WDFY2: variants seen among roughly 807,000 people sequenced by gnomAD.
WDFY2 encodes WD repeat and FYVE domain-containing protein 2.
WDFY2 carries 36 observed loss-of-function variants against 56.4 expected under a neutral mutation model. That is an observed-to-expected ratio of 0.64 (90% CI 0.49 to 0.84). The LOEUF is 0.84. WDFY2 is among the 40% of genes least tolerant of loss of function. The pLI, the probability that WDFY2 is intolerant of heterozygous loss-of-function variation, is 0.00. For synonymous variants in WDFY2, 176 were observed against 183.7 expected (o/e 0.96, Z 0.34); for missense variants, 444 against 512.2 (o/e 0.87, Z 1.29).
chr13:51,667,282 G>A (rs1296223419), intron 2 of WDFY2, among the ~76,000 whole-genome samples: 1 of 152,136 alleles, frequency 6.6e-6, no homozygotes, highest in East Asian at 1.9e-4. Context: ...ATAATCTTAA[G>A]GTAACAGACA....
At chr13:51,712,844 GA>G (rs1018840456) in intron 4 of WDFY2, among the ~76,000 whole-genome samples, 1 of 151,772 alleles carries the variant, frequency 6.6e-6, no homozygotes, top group African/African-American at 2.4e-5. Context: ...GTAATATTAT[GA>G]ACAACTTTAT....
In WDFY2 at chr13:51,737,569, A is replaced by G. The variant is rs1952869173; in HGVS notation, c.599-1480A>G. ...ATGAATTTAAAAAAAAAAAAAAAAA[A>G]AAAAAAAAAAAAAGAATAATCAGGA... On this transcript the variant is annotated intron_variant, in intron 6 of 11. Transcript: ENST00000298125. Among the ~76,000 whole-genome samples the G allele has an allele frequency of 2.0e-5, 3 of 149,774 alleles. No individual in the cohort carries two copies. In the South Asian group the frequency reaches 6.3e-4, roughly 32 times the overall value.
rs532484887 is a variant in WDFY2, at chr13:51,752,431, T to C, written c.831+1016T>C. ...TGATGAGTGCTGGTCATGCTAACCATGTTCCCGCATGGCTGGTGATTATGT... is the reference window on the plus strand; with the variant it reads ...TGATGAGTGCTGGTCATGCTAACCACGTTCCCGCATGGCTGGTGATTATGT... On this transcript the variant is annotated intron_variant, in intron 8 of 11. Transcript: ENST00000298125. Among the ~76,000 whole-genome samples, 3 of 152,192 alleles carry C rather than the reference T, an allele frequency of 2.0e-5. No individual in the cohort carries two copies. In the South Asian group the frequency reaches 6.2e-4, roughly 32 times the overall value.
At chr13:51,601,998 T>C (rs1954293695) in intron 1 of WDFY2, among the ~76,000 whole-genome samples, 2 of 152,234 alleles carry the variant, frequency 1.3e-5, no homozygotes, top group African/African-American at 2.4e-5. Flanking sequence ...CTCCCTTCTT[T>C]ACTTGCTGTG....
intron 1 of WDFY2, among the ~76,000 whole-genome samples, chr13:51,642,601 T>C (rs1475632190): frequency 2.0e-5 from 3 of 152,042 alleles, no homozygotes; most frequent in Admixed American, 2.0e-4. Flanking sequence ...GCCAGAGGTT[T>C]TTATTTTAAT....
chr13:51,692,721 G>A (rs987056653), intron 3 of WDFY2, among the ~76,000 whole-genome samples: 3 of 152,194 alleles, frequency 2.0e-5, no homozygotes, highest in Non-Finnish European at 4.4e-5. Context: ...AATGAGTTAG[G>A]GAGGATTCCC....
intron 6 of WDFY2, among the ~76,000 whole-genome samples, chr13:51,729,444 C>T (rs1952675241): frequency 1.3e-5 from 2 of 151,922 alleles, no homozygotes; most frequent in Admixed American, 1.3e-4. Flanking sequence ...ATTTCTTGCC[C>T]ACTGTATATC....
chr13:51,634,322 C>T (rs1181794090), intron 1 of WDFY2, among the ~76,000 whole-genome samples: 1 of 151,810 alleles, frequency 6.6e-6, no homozygotes, highest in African/African-American at 2.4e-5. Flanking sequence ...CTGTGAGGGC[C>T]AGGAACCCAT....
intron 2 of WDFY2, among the ~76,000 whole-genome samples, chr13:51,674,871 T>C (rs1021301204): frequency 6.6e-6 from 1 of 152,178 alleles, no homozygotes; most frequent in African/African-American, 2.4e-5. Context: ...CACAAAGTAT[T>C]GTTAATCTAG....
intron 1 of WDFY2, among the ~76,000 whole-genome samples, chr13:51,631,866 C>G (rs190127573): frequency 2.6e-5 from 4 of 152,158 alleles, no homozygotes; most frequent in African/African-American, 9.7e-5. Flanking sequence ...TTGCTCACTG[C>G]TGTTTCTCTT....
intron 3 of WDFY2, among the ~76,000 whole-genome samples, chr13:51,693,002 C>G (rs1418005913): frequency 1.3e-5 from 2 of 152,170 alleles, no homozygotes; most frequent in South Asian, 2.1e-4. Context: ...GTAGTATTCT[C>G]TGATGGTAGT....
intron 7 of WDFY2, among the ~76,000 whole-genome samples, chr13:51,741,198 A>G (rs933841856): frequency 1.2e-4 from 19 of 152,248 alleles, no homozygotes; most frequent in African/African-American, 4.6e-4. Flanking sequence ...TCATGCCCTT[A>G]GAACTTGCAC....
At chr13:51,745,973 C>CTTTTTTTTTT (rs59572351) in intron 7 of WDFY2, among the ~76,000 whole-genome samples, 23 of 100,738 alleles carry the variant, frequency 2.3e-4, no homozygotes, top group South Asian at 3.5e-4. Flanking sequence ...TTTTCTTTTT[C>CTTTTTTTTTT]TTTTTTTTTT....
At chr13:51,645,130 CT>C (rs200732935) in intron 1 of WDFY2, among the ~76,000 whole-genome samples, 66 of 148,882 alleles carry the variant, frequency 4.4e-4, no homozygotes, top group East Asian at 2.5e-3. Flanking sequence ...GCGTTTGAAG[CT>C]TTTTTTTTTC....
intron 7 of WDFY2, among the ~76,000 whole-genome samples, chr13:51,748,496 G>T (rs17075921): frequency 0.01 from 1,547 of 152,264 alleles, 27 homozygotes; most frequent in African/African-American, 0.035. Context: ...AGGAGCACAG[G>T]TGTTTAAGAA....
At chr13:51,700,665 A>C (rs542317995) in intron 3 of WDFY2, among the ~76,000 whole-genome samples, 38 of 152,346 alleles carry the variant, frequency 2.5e-4, no homozygotes, top group African/African-American at 8.2e-4. Flanking sequence ...TCAATAAAGG[A>C]ATATTAAAGT....
chr13:51,676,750 A>G (rs1029555901), intron 3 of WDFY2, among the ~76,000 whole-genome samples: 1 of 152,232 alleles, frequency 6.6e-6, no homozygotes, highest in Admixed American at 6.5e-5. Context: ...ATAGAAGTTT[A>G]TGATACAAAG....
intron 1 of WDFY2, among the ~76,000 whole-genome samples, chr13:51,604,396 A>G (rs1371375299): frequency 6.6e-6 from 1 of 152,160 alleles, no homozygotes; most frequent in Non-Finnish European, 1.5e-5. Context: ...TTTCATGGGA[A>G]TCAGACTATG....
intron 3 of WDFY2, among the ~76,000 whole-genome samples, chr13:51,703,013 C>A (rs1952016002): frequency 6.6e-6 from 1 of 152,106 alleles, no homozygotes; most frequent in Non-Finnish European, 1.5e-5. Flanking sequence ...CTGATTTTTT[C>A]AGTAAATTTG....
Sources: allele counts gnomAD v4.1 joint callset (sites outside exome capture counted in the v4.1 genomes callset), GRCh38; gene constraint gnomAD v4.1.1; transcripts MANE v1.5; gene names NCBI Gene and HGNC (gene_info 2026-07-23, HGNC 2026-07-21).